KLRB1: variants seen among roughly 807,000 people sequenced by gnomAD.
The protein encoded by KLRB1 is killer cell lectin-like receptor subfamily B member 1.
In KLRB1, 27 loss-of-function variants were observed where a neutral mutation model predicts 33.5. The ratio of observed to expected loss-of-function variants is 0.81; its 90% CI spans 0.59 to 1.11. KLRB1 has a LOEUF of 1.11. Ranked by LOEUF, KLRB1 falls within the 50% of genes most tolerant of loss-of-function variation. The pLI is 0.00. For missense variants in KLRB1, 241 were observed against 254.1 expected, an observed-to-expected ratio of 0.95 and a Z score of 0.35; for synonymous variants, 64 against 88.9, an observed-to-expected ratio of 0.72 and a Z score of 1.58.
chr12:9,607,350 T>TTC (rs1864624738), intron 1 of KLRB1, among the ~76,000 whole-genome samples: 6 of 71,070 alleles, frequency 8.4e-5, no homozygotes, highest in African/African-American at 2.8e-4. Flanking sequence ...CTTTCTTTCT[T>TTC]TCTTCCTTTC....
chr12:9,598,210 T>G, intron 4 of KLRB1, 49 bp from the exon 5 acceptor site: 1 of 1,247,206 alleles, frequency 8.0e-7, no homozygotes. Context: ...ATTCCTGGTT[T>G]GATCCCCTAA....
At chr12:9,602,325 G>A (rs1459493621) in intron 1 of KLRB1, among the ~76,000 whole-genome samples, 1 of 151,942 alleles carries the variant, frequency 6.6e-6, no homozygotes, top group African/African-American at 2.4e-5. Flanking sequence ...TTCTTCAAAA[G>A]TTATGATTAT....
Position 9,598,530 on chromosome 12 carries a change from C to G in KLRB1, c.383G>C (p.Ser128Thr), listed in dbSNP as rs373666093. The G allele has an allele frequency of 5.9e-5, 95 of 1,612,170 alleles. No individual in the cohort carries two copies. The highest frequency in any genetic ancestry group is 1.6e-4 in the Middle Eastern group (1 of 6,068). The change falls in exon 4 of 6, where the codon AGC (serine) becomes ACC (threonine). Residue 128 changes from serine to threonine, a missense_variant. Ser to Thr is a moderately conservative substitution (Grantham distance 58, BLOSUM62 1). Transcript: ENST00000229402. ...ATCCTTATCTCGAATAAGCAGCAGG[C>G]TGGATTCTTTGGTGGAACAATCAGC... is the stretch of plus-strand genomic sequence containing the variant. ...SLADCSTKESSLLLIRDKDEL... is the reference protein window; with the variant it reads ...SLADCSTKESTLLLIRDKDEL...
intron 4 of KLRB1, 86 bp downstream of exon 4, chr12:9,598,413 A>T: frequency 8.2e-7 from 1 of 1,214,426 alleles, no homozygotes; most frequent in East Asian, 2.4e-5. Flanking sequence ...CTTCCATTGC[A>T]TAAAACCCCT....
chr12:9,604,051 T>C (rs1262228698), intron 1 of KLRB1, among the ~76,000 whole-genome samples: 1 of 151,958 alleles, frequency 6.6e-6, no homozygotes, highest in Non-Finnish European at 1.5e-5. Context: ...AAAAGGCAAC[T>C]TGGTGACTTT....
At chr12:9,600,956 A>G (rs1258293863) in intron 2 of KLRB1, among the ~76,000 whole-genome samples, 2 of 151,140 alleles carry the variant, frequency 1.3e-5, no homozygotes, top group Non-Finnish European at 1.5e-5. Flanking sequence ...AGAGGAAGGC[A>G]TCTGTCTCCT....
At chr12:9,595,605 C>A (rs934436664) in intron 5 of KLRB1, among the ~76,000 whole-genome samples, 184 bp from the exon 6 acceptor site, 1 of 152,116 alleles carries the variant, frequency 6.6e-6, no homozygotes, top group African/African-American at 2.4e-5. Flanking sequence ...ACCTCTGGAA[C>A]TTCCAAGTTC....
intron 2 of KLRB1, among the ~76,000 whole-genome samples, chr12:9,600,765 G>T (rs1375740243): frequency 1.3e-5 from 2 of 151,560 alleles, no homozygotes; most frequent in South Asian, 2.1e-4. Context: ...ACTGCGGAAG[G>T]CCGCAGGGAC....
At chr12:9,595,550 G>A in intron 5 of KLRB1, 129 bp from the exon 6 acceptor site, 1 of 803,160 alleles carries the variant, frequency 1.2e-6, no homozygotes, top group Non-Finnish European at 2.1e-6. Context: ...AAGGCACACG[G>A]TCACAAATAT....
chr12:9,606,434 G>A (rs1864599881), intron 1 of KLRB1: 1 of 151,868 alleles, frequency 6.6e-6, no homozygotes, highest in Non-Finnish European at 1.5e-5. Flanking sequence ...AGAGACACAG[G>A]AAAGTGCCAG....
rs1336534922 is a variant in KLRB1, at chr12:9,606,760, A to ATAT, written c.85+994_85+995insATA. Among the ~76,000 whole-genome samples, 116 of 63,734 alleles carry ATAT rather than the reference A, an allele frequency of 1.8e-3. 7 individuals carry two copies. Among genetic ancestry groups the ATAT allele is most frequent in the African/African-American group, 3.4e-3 (41 of 12,126 alleles). The allele number at this position is 63,734 out of a possible 152,430, so 41.8% of individuals were successfully genotyped here. On this transcript the variant is annotated intron_variant, in intron 1 of 5. Coordinates refer to ENST00000229402, the MANE Select transcript of KLRB1 (RefSeq NM_002258.3). The stretch of plus-strand genomic sequence containing the variant: ...TATATATATATATATATATATATAT[A>ATAT]TTTTTTTTTTTTTTTTGAGATAGTC...
Position 9,607,313 on chromosome 12 carries a change from C to CTCT in KLRB1, c.85+441_85+442insAGA, listed in dbSNP as rs1343471533. Among the ~76,000 whole-genome samples the CTCT allele has an allele frequency of 9.0e-5, 9 of 100,482 alleles. No homozygotes were observed. In the South Asian group the frequency reaches 9.5e-4, roughly 11 times the overall value. The allele number at this position is 100,482 out of a possible 152,430, so 65.9% of individuals were successfully genotyped here. ...TTTTCTTTCTCTCCTTTCTTTCTTTCTTCTTTTCTTTCTCTTTCTTTCCTT... is the reference window on the plus strand; with the variant it reads ...TTTTCTTTCTCTCCTTTCTTTCTTTCTCTTTCTTTTCTTTCTCTTTCTTTCCTT... On this transcript the variant is annotated intron_variant, in intron 1 of 5. Transcript: ENST00000229402.
chr12:9,595,976 T>C (rs2241005), intron 5 of KLRB1, among the ~76,000 whole-genome samples: 73,710 of 151,978 alleles, frequency 0.49, 18,081 homozygotes, highest in African/African-American at 0.51. Flanking sequence ...TCATTCTCAT[T>C]CCAAACAGAG....
At chr12:9,606,666 A>T (rs1205708031) in intron 1 of KLRB1, among the ~76,000 whole-genome samples, 1 of 95,768 alleles carries the variant, frequency 1.0e-5, no homozygotes. Context: ...ATATATATAA[A>T]ATATATAAAA....
At chr12:9,606,795 C>G (rs1443232068) in intron 1 of KLRB1, among the ~76,000 whole-genome samples, 2 of 124,896 alleles carry the variant, frequency 1.6e-5, no homozygotes, top group African/African-American at 6.3e-5. Flanking sequence ...CTTGCTGTGT[C>G]ACCCAGGCTG....
intron 1 of KLRB1, among the ~76,000 whole-genome samples, chr12:9,604,804 G>T (rs1405645404): frequency 6.6e-6 from 1 of 151,910 alleles, no homozygotes; most frequent in Non-Finnish European, 1.5e-5. Flanking sequence ...TTAGTTATTT[G>T]TTTATTTTAT....
intron 1 of KLRB1, among the ~76,000 whole-genome samples, chr12:9,604,518 C>G (rs1430233580): frequency 6.6e-6 from 1 of 152,154 alleles, no homozygotes; most frequent in Non-Finnish European, 1.5e-5. Context: ...CCCATCTGGC[C>G]TCCATACGCT....
At chr12:9,599,482 T>C (rs913637986) in intron 3 of KLRB1, among the ~76,000 whole-genome samples, 2 of 152,246 alleles carry the variant, frequency 1.3e-5, no homozygotes, top group African/African-American at 4.8e-5. Context: ...CTATCAACAG[T>C]GGAGTATCCT....
chr12:9,607,332 T>TTTCCTTCC lies in KLRB1; in HGVS notation c.85+422_85+423insGGAAGGAA, dbSNP rs200381621. Among the ~76,000 whole-genome samples the TTTCCTTCC allele has an allele frequency of 6.3e-3, 371 of 58,538 alleles. 2 individuals carry two copies. The highest frequency in any genetic ancestry group is 9.7e-3 in the Non-Finnish European group (241 of 24,730). 38.4% of individuals were successfully genotyped at this position (58,538 alleles called of 152,430 possible). Reference sequence around the variant, plus strand: ...TTCTTTCTTCTTTTCTTTCTCTTTCTTTCCTTTCTTTCTTTCTTTCTTCCT... The same window carrying TTTCCTTCC: ...TTCTTTCTTCTTTTCTTTCTCTTTCTTTCCTTCCTTCCTTTCTTTCTTTCTTTCTTCCT... On this transcript the variant is annotated intron_variant, in intron 1 of 5. Coordinates refer to ENST00000229402, the MANE Select transcript of KLRB1 (RefSeq NM_002258.3).
Sources: gnomAD v4.1 joint callset for allele counts (sites outside exome capture counted in the v4.1 genomes callset) on GRCh38, gnomAD v4.1.1 for gene constraint, MANE v1.5 for transcripts, NCBI Gene and HGNC (gene_info 2026-07-23, HGNC 2026-07-21) for gene names.